ITGB5: variants seen among roughly 807,000 people sequenced by gnomAD.
ITGB5 encodes the protein integrin subunit beta 5, also known as integrin beta-5.
A neutral mutation model predicts 84.8 loss-of-function variants in ITGB5; 38 were observed. The observed-to-expected ratio is 0.45, with a 90% CI of 0.35 to 0.59. The LOEUF is 0.59. ITGB5 is among the 20% of genes least tolerant of loss of function. The pLI, the probability that ITGB5 is intolerant of heterozygous loss-of-function variation, is 0.01. For missense variants in ITGB5, 905 were observed against 1,034.5 expected (o/e 0.87, Z 1.72); for synonymous variants, 393 against 414.4 (o/e 0.95, Z 0.63).
In ITGB5 at chr3:124,886,983, C is replaced by A. The variant is rs1934848600; in HGVS notation, c.18G>T (p.Ala6=). The change falls in exon 1 of 15, where the codon GCG becomes GCT. Residue 6 remains alanine, a synonymous_variant. Transcript: ENST00000296181. Reference sequence around the variant, plus strand: ...GCCCCAGGAGGCAGGCGTACAGCGGCGCCGGGGCCCGCGGCATGGTGGGGC... The same window carrying A: ...GCCCCAGGAGGCAGGCGTACAGCGGAGCCGGGGCCCGCGGCATGGTGGGGC... MPRAP[A]PLYACLLGLC... is the part of the protein sequence containing the mutation. The A allele has an allele frequency of 8.4e-7, 1 of 1,195,168 alleles. No individual in the cohort carries two copies. The highest frequency in any genetic ancestry group is 1.0e-6 in the Non-Finnish European group (1 of 964,854). The allele number at this position is 1,195,168 out of a possible 1,614,324, so 74.0% of individuals were successfully genotyped here.
chr3:124,762,797 C>G lies in ITGB5; in HGVS notation c.*826G>C, dbSNP rs2063712669. 6.6e-6 allele frequency: 1 copy of G among 152,296 alleles called. No homozygotes were observed. The highest frequency in any genetic ancestry group is 2.4e-5 in the African/African-American group (1 of 41,458). The allele number at this position is 152,296 out of a possible 1,614,324, so 9.4% of individuals were successfully genotyped here. On this transcript the variant is annotated 3_prime_UTR_variant, in exon 15 of 15. Transcript: ENST00000296181. ...AGTGTTCCCCCTTGCACAGCCCTCACTGCCCCGAGCACCTCATGCTTACTT... is the reference window on the plus strand; with the variant it reads ...AGTGTTCCCCCTTGCACAGCCCTCAGTGCCCCGAGCACCTCATGCTTACTT...
chr3:124,883,032 C>T (rs1392439431), intron 1 of ITGB5, among the ~76,000 whole-genome samples: 1 of 152,162 alleles, frequency 6.6e-6, no homozygotes. Context: ...AGAAGGAAAA[C>T]AAACCACGGC....
At position 124,854,366 on chromosome 3, in the gene ITGB5, A is replaced by G. The variant is rs572474390; in HGVS notation, c.361+4876T>C. The stretch of plus-strand genomic sequence containing the variant: ...AAAAGAATTGTCCCAAAGTAGAAAC[A>G]GCCCAAATGTCCATAAACTAAAATA... On this transcript the variant is annotated intron_variant, in intron 3 of 14. Transcript: ENST00000296181. 2.0e-5 allele frequency among the ~76,000 whole-genome samples: 3 copies of G among 152,346 alleles called. No homozygotes were observed. The East Asian group carries it at 5.8e-4, about 29-fold the overall frequency.
At chr3:124,845,434 C>A (rs1288794273) in intron 4 of ITGB5, among the ~76,000 whole-genome samples, 1 of 152,232 alleles carries the variant, frequency 6.6e-6, no homozygotes, top group Non-Finnish European at 1.5e-5. Context: ...CAGTGTGCCC[C>A]CACGCTGCGT....
chr3:124,819,836 T>C lies in ITGB5; in HGVS notation c.943-2A>G. On this transcript the variant is annotated splice_acceptor_variant, in intron 6 of 14. Transcript: ENST00000296181. LOFTEE classifies it high-confidence loss of function. ...AAGCAAGGCAAGGGATGGATAGTCCTAGGGCCAAGGCAAAAGTCAAGGCTA... is the reference window on the plus strand; with the variant it reads ...AAGCAAGGCAAGGGATGGATAGTCCCAGGGCCAAGGCAAAAGTCAAGGCTA... 4 of 1,609,222 alleles carry C rather than the reference T, an allele frequency of 2.5e-6. No individual in the cohort carries two copies. The highest frequency in any genetic ancestry group is 3.4e-6 in the Non-Finnish European group (4 of 1,175,514).
At position 124,848,561 on chromosome 3, in the gene ITGB5, G is replaced by A; in HGVS notation, c.362-3C>T. On this transcript the variant is annotated splice_polypyrimidine_tract_variant and splice_region_variant and intron_variant, in intron 3 of 14. Transcript: ENST00000296181. ...TAGCTGGAAGGTGGTCTTGTCACCT[G>A]CACCAACAGAGAGGCCACGTGTGTT... is the stretch of plus-strand genomic sequence containing the variant. 2 of 1,608,634 alleles carry A rather than the reference G, an allele frequency of 1.2e-6. No homozygotes were observed. Among genetic ancestry groups the A allele is most frequent in the Non-Finnish European group, 1.7e-6 (2 of 1,178,396 alleles).
At chr3:124,815,611 G>C (rs567101431) in intron 8 of ITGB5, among the ~76,000 whole-genome samples, 73 of 152,314 alleles carry the variant, frequency 4.8e-4, no homozygotes, top group African/African-American at 1.7e-3. Context: ...GAAGGGGAGA[G>C]TGGCAAGGCA....
chr3:124,892,688 C>A, intron 1 of ITGB5, among the ~76,000 whole-genome samples: 1 of 90,168 alleles, frequency 1.1e-5, no homozygotes. Flanking sequence ...GAGGGAGACT[C>A]TGTAAAAAAA....
intron 1 of ITGB5, among the ~76,000 whole-genome samples, chr3:124,886,611 A>G (rs1032200875): frequency 5.3e-5 from 8 of 151,918 alleles, no homozygotes; most frequent in Non-Finnish European, 1.0e-4. Flanking sequence ...CCGGGCCCCA[A>G]GGCAGGGCTG....
chr3:124,766,241 C>T lies in ITGB5; in HGVS notation c.2122G>A (p.Val708Ile), dbSNP rs1378523058. ...ELPSGKSNLT[V>I]LREPECGNTP... ...CCTCACCTACCTGGCTCCCTGAGGA[C>T]GGTCAGGTTGGACTTCCCACTGGGG... The change falls in exon 13 of 15, where the codon GTC becomes ATC. Residue 708 changes from valine (V) to isoleucine (I), a missense_variant. By Grantham distance (29) the Val-to-Ile change is conservative. Transcript: ENST00000296181. 33 of 1,613,714 alleles carry T rather than the reference C, an allele frequency of 2.0e-5. No individual in the cohort carries two copies. Among genetic ancestry groups the T allele is most frequent in the Non-Finnish European group, 2.8e-5 (33 of 1,179,902 alleles).
intron 3 of ITGB5, 97 bp downstream of exon 3, chr3:124,859,145 G>T (rs544620128): frequency 5.4e-5 from 65 of 1,193,620 alleles, no homozygotes; most frequent in Non-Finnish European, 6.4e-5. Flanking sequence ...TCTGATCTCA[G>T]CCTGGCCTGA....
At chr3:124,805,083 TTTC>T (rs781105530) in intron 9 of ITGB5, among the ~76,000 whole-genome samples, 1 of 139,446 alleles carries the variant, frequency 7.2e-6, no homozygotes, top group East Asian at 2.3e-4. Flanking sequence ...TTCCTTTCCG[TTTC>T]TTTCTTTCTC....
intron 1 of ITGB5, among the ~76,000 whole-genome samples, chr3:124,879,085 C>G (rs1020554640): frequency 6.6e-6 from 1 of 152,292 alleles, no homozygotes; most frequent in African/African-American, 2.4e-5. Flanking sequence ...AAGGAGCCAC[C>G]GCATCCGGTT....
At chr3:124,849,752 A>G (rs1006064134) in intron 3 of ITGB5, among the ~76,000 whole-genome samples, 2 of 151,728 alleles carry the variant, frequency 1.3e-5, no homozygotes, top group African/African-American at 4.8e-5. Context: ...GTCTCACCCT[A>G]TAGAGTTCAA....
chr3:124,793,714 T>G (rs182467460), intron 10 of ITGB5, among the ~76,000 whole-genome samples: 2 of 152,368 alleles, frequency 1.3e-5, no homozygotes, highest in Admixed American at 1.3e-4. Context: ...CCCAAACTTT[T>G]TCTACTAACC....
intron 1 of ITGB5, among the ~76,000 whole-genome samples, chr3:124,881,203 C>G (rs1005902836): frequency 1.3e-5 from 2 of 151,976 alleles, no homozygotes; most frequent in Non-Finnish European, 2.9e-5. Flanking sequence ...AGGGTGGTCT[C>G]GAACTCCTGA....
intron 8 of ITGB5, among the ~76,000 whole-genome samples, chr3:124,817,191 G>A (rs1179120160): frequency 1.3e-5 from 2 of 152,202 alleles, no homozygotes; most frequent in South Asian, 2.1e-4. Flanking sequence ...CTCAGCATGC[G>A]AACTTTTCAC....
chr3:124,798,922 G>A (rs1201309872), intron 9 of ITGB5, among the ~76,000 whole-genome samples: 2 of 152,170 alleles, frequency 1.3e-5, no homozygotes, highest in Non-Finnish European at 1.5e-5. Flanking sequence ...AAAGTCCTGC[G>A]TGGCAGCAAA....
chr3:124,881,610 C>A (rs972778333), intron 1 of ITGB5, among the ~76,000 whole-genome samples: 2 of 152,156 alleles, frequency 1.3e-5, no homozygotes, highest in Non-Finnish European at 2.9e-5. Context: ...CCTTTCCAGG[C>A]CTCAGCTTCC....
Sources: allele counts gnomAD v4.1 joint callset (sites outside exome capture counted in the v4.1 genomes callset), GRCh38; gene constraint gnomAD v4.1.1; transcripts MANE v1.5; gene names NCBI Gene and HGNC (gene_info 2026-07-23, HGNC 2026-07-21).